Variants in GALNS observed in about 807,000 individuals in gnomAD.
The protein encoded by GALNS is N-acetylgalactosamine-6-sulfatase.
Under a neutral mutation model 65.9 loss-of-function variants are expected in GALNS, and 65 were observed. That is an observed-to-expected ratio of 0.99 (90% CI 0.81 to 1.21). GALNS has a LOEUF of 1.21. Among genes scored for constraint, GALNS ranks in the 50% most tolerant of loss-of-function variants. The pLI, the probability that GALNS is intolerant of heterozygous loss-of-function variation, is 0.00. For synonymous variants in GALNS, 346 were observed against 288.9 expected (o/e 1.20, Z -2.00); for missense variants, 776 against 700.7 (o/e 1.11, Z -1.21).
intron 12 of GALNS, among the ~76,000 whole-genome samples, chr16:88,820,081 G>T (rs998458082): frequency 1.3e-5 from 2 of 151,896 alleles, no homozygotes; most frequent in Non-Finnish European, 2.9e-5. Context: ...CTCCTACCTC[G>T]GCCTCCCAAA....
At chr16:88,833,177 ATCC>A (rs1182655664) in intron 8 of GALNS, among the ~76,000 whole-genome samples, 2 of 151,726 alleles carry the variant, frequency 1.3e-5, no homozygotes, top group African/African-American at 4.8e-5. Context: ...CTGCGCTGCC[ATCC>A]AACCCCGAGC....
intron 12 of GALNS, among the ~76,000 whole-genome samples, chr16:88,822,372 G>A (rs1407041865): frequency 1.3e-5 from 2 of 152,206 alleles, no homozygotes; most frequent in East Asian, 1.9e-4. Context: ...TGGTGGCCCA[G>A]AAGGGGCAGA....
intron 13 of GALNS, chr16:88,817,347 C>T (rs972347090): frequency 1.6e-5 from 16 of 985,386 alleles, no homozygotes; most frequent in Non-Finnish European, 1.8e-5. Context: ...GTGATGAGGC[C>T]GTTTCTCTAC....
chr16:88,828,336 A>T (rs1377198183), intron 9 of GALNS, among the ~76,000 whole-genome samples: 1 of 151,894 alleles, frequency 6.6e-6, no homozygotes. Context: ...TTTTCGAAGA[A>T]CTCTCCAGGC....
chr16:88,824,007 C>T (rs566346223), intron 11 of GALNS, among the ~76,000 whole-genome samples: 47 of 152,344 alleles, frequency 3.1e-4, no homozygotes, highest in Non-Finnish European at 6.0e-4. Context: ...GCCCCACGAG[C>T]AGCTTCCCTC....
At chr16:88,847,258 C>T (rs1967287925) in intron 1 of GALNS, among the ~76,000 whole-genome samples, 1 of 152,174 alleles carries the variant, frequency 6.6e-6, no homozygotes, top group Admixed American at 6.5e-5. Flanking sequence ...GTAATCCCAG[C>T]TACTTGGGAG....
At chr16:88,851,676 G>A (rs776310099) in intron 1 of GALNS, among the ~76,000 whole-genome samples, 5 of 152,232 alleles carry the variant, frequency 3.3e-5, no homozygotes, top group African/African-American at 9.6e-5. Flanking sequence ...CTTTTCCAAC[G>A]GTCTTAGCTA....
chr16:88,853,678 C>T (rs1246925544), intron 1 of GALNS, among the ~76,000 whole-genome samples: 3 of 152,216 alleles, frequency 2.0e-5, no homozygotes, highest in Non-Finnish European at 4.4e-5. Flanking sequence ...TCCAAGGCCC[C>T]AGAAGCCCTG....
intron 8 of GALNS, among the ~76,000 whole-genome samples, chr16:88,834,794 A>AAT (rs1911936648): frequency 6.6e-6 from 1 of 152,148 alleles, no homozygotes; most frequent in African/African-American, 2.4e-5. Context: ...TCATGGAGGC[A>AAT]GCCCGGCCCC....
intron 5 of GALNS, among the ~76,000 whole-genome samples, chr16:88,836,767 A>G (rs1023069418): frequency 1.3e-5 from 2 of 152,172 alleles, no homozygotes; most frequent in Admixed American, 1.3e-4. Flanking sequence ...GACCTGGCTG[A>G]GGCCGGTGCT....
rs2143001194 is a variant in GALNS at position 88,835,333 on chromosome 16, C to T, written c.778G>A (p.Glu260Lys). The change falls in exon 8 of 14, where the codon GAG becomes AAG. Residue 260 changes from glutamate (E) to lysine (K), a missense_variant. Transcript: ENST00000268695. The part of the protein sequence containing the change: ...QRGRYGDAVR[E>K]IDDSIGKILE... ...ATCTTCCCAATGCTGTCATCAATCT[C>T]CCGGACGGCGTCTCCATACCTGCAG... 2 of 1,613,740 alleles carry T rather than the reference C, an allele frequency of 1.2e-6. No homozygotes were observed. Among genetic ancestry groups the T allele is most frequent in the Non-Finnish European group, 1.7e-6 (2 of 1,179,888 alleles).
intron 7 of GALNS, 68 bp downstream of exon 7, chr16:88,835,657 C>G: frequency 6.2e-7 from 1 of 1,607,586 alleles, no homozygotes; most frequent in Non-Finnish European, 8.5e-7. Flanking sequence ...TACTGAGTGT[C>G]CCATCTCTGG....
rs1391195516 is a variant in GALNS, at chr16:88,824,696, C to T, written c.1242+71G>A. On this transcript the variant is annotated intron_variant, in intron 11 of 13. Transcript: ENST00000268695. ...TCACCCTCCTGTGCCTCCCCCAGGA[C>T]GGTGCTCAGGGGCCACGTCTGGATA... The T allele has an allele frequency of 3.4e-5, 43 of 1,281,474 alleles. 1 individual carries two copies. The highest frequency in any genetic ancestry group is 3.1e-4 in the Admixed American group (18 of 58,978). The allele number at this position is 1,281,474 out of a possible 1,614,324, so 79.4% of individuals were successfully genotyped here.
chr16:88,824,920 G>T, intron 10 of GALNS, 51 bp from the exon 11 acceptor site: 1 of 1,473,342 alleles, frequency 6.8e-7, no homozygotes, highest in Non-Finnish European at 9.5e-7. Flanking sequence ...ACACGCTGGG[G>T]CCACCTGGAG....
chr16:88,815,548 AG>A, intron 13 of GALNS: 2 of 985,466 alleles, frequency 2.0e-6, no homozygotes, highest in Non-Finnish European at 2.4e-6. Context: ...GGCAACAGAA[AG>A]GGAGACTTAT....
chr16:88,851,423 C>A (rs1389830712), intron 1 of GALNS, among the ~76,000 whole-genome samples: 2 of 152,148 alleles, frequency 1.3e-5, no homozygotes, highest in African/African-American at 4.8e-5. Context: ...CAGCTCCGGG[C>A]TGCAGCTCCC....
At chr16:88,840,769 A>G (rs1966927599) in intron 4 of GALNS, 1 of 587,122 alleles carries the variant, frequency 1.7e-6, no homozygotes, top group Non-Finnish European at 3.1e-6. Flanking sequence ...ATGCCGCAGG[A>G]TACTCGCGGC....
chr16:88,819,944 G>A (rs965612686), intron 12 of GALNS, among the ~76,000 whole-genome samples: 14 of 150,128 alleles, frequency 9.3e-5, no homozygotes, highest in Non-Finnish European at 7.4e-5. Context: ...TGCCTGCCTC[G>A]GCCTCCCAAA....
chr16:88,853,420 C>T (rs1006984857), intron 1 of GALNS, among the ~76,000 whole-genome samples: 2 of 152,154 alleles, frequency 1.3e-5, no homozygotes, highest in Non-Finnish European at 2.9e-5. Context: ...GACGAGCAGG[C>T]CAGTGCTTGT....
Sources: allele counts gnomAD v4.1 joint callset (sites outside exome capture counted in the v4.1 genomes callset), GRCh38; gene constraint gnomAD v4.1.1; transcripts MANE v1.5; gene names NCBI Gene and HGNC (gene_info 2026-07-23, HGNC 2026-07-21).